LRRK2: variants seen among roughly 807,000 people sequenced by gnomAD.
LRRK2 encodes the protein leucine-rich repeat serine/threonine-protein kinase 2.
LRRK2 carries 203 observed loss-of-function variants against 302.6 expected under a neutral mutation model. The ratio of observed to expected loss-of-function variants is 0.67; its 90% CI spans 0.60 to 0.75. LRRK2 has a LOEUF of 0.75. Among genes scored for constraint, LRRK2 ranks in the 30% least tolerant of loss-of-function variants. The probability of loss-of-function intolerance (pLI) is 0.00; values close to 1 mark genes in which losing one functional copy is unlikely to be tolerated. For synonymous variants in LRRK2, 1,066 were observed against 1,031.9 expected, an observed-to-expected ratio of 1.03 and a Z score of -0.63; for missense variants, 2,830 against 2,951.0, an observed-to-expected ratio of 0.96 and a Z score of 0.95.
intron 31 of LRRK2, chr12:40,312,648 G>A (rs1352812175): frequency 6.6e-6 from 1 of 152,068 alleles, no homozygotes; most frequent in Non-Finnish European, 1.5e-5. Flanking sequence ...GCTGAAAGGA[G>A]AAGCAGGACA....
At chr12:40,356,333 A>G in intron 46 of LRRK2, 146 bp downstream of exon 46, 1 of 619,900 alleles carries the variant, frequency 1.6e-6, no homozygotes, top group Non-Finnish European at 2.8e-6. Context: ...AAAATCTTGA[A>G]CACAGTAGAT....
intron 45 of LRRK2, among the ~76,000 whole-genome samples, chr12:40,355,556 T>G (rs1186049460): frequency 2.6e-5 from 2 of 77,730 alleles, no homozygotes; most frequent in Non-Finnish European, 5.8e-5. Context: ...TCTTTTTTTT[T>G]TTTTTGAAGG....
chr12:40,339,378 C>T (rs1945968349), intron 40 of LRRK2, among the ~76,000 whole-genome samples: 1 of 152,202 alleles, frequency 6.6e-6, no homozygotes, highest in Non-Finnish European at 1.5e-5. Flanking sequence ...TTATAGACAT[C>T]TAATGTGATA....
At chr12:40,357,847 G>A (rs978523080) in intron 46 of LRRK2, among the ~76,000 whole-genome samples, 1 of 152,134 alleles carries the variant, frequency 6.6e-6, no homozygotes, top group Non-Finnish European at 1.5e-5. Context: ...ATCATAGCTT[G>A]TTGCAGCCTT....
chr12:40,323,215 TGC>T lies in LRRK2; in HGVS notation c.5566_5567del (p.Ala1856ProfsTer2), dbSNP rs762268416. ...GGCTCACCATTCCAATATCTCAGAT[TGC>T]CCCTGACTTGATTTTGGCTGACCTG... is the stretch of plus-strand genomic sequence containing the variant. ...PRLTIPISQI[A>X]PDLILADLPR... On this transcript the variant is annotated frameshift_variant, in exon 38 of 51. Transcript: ENST00000298910. LOFTEE classifies it high-confidence loss of function. 1 of 1,613,294 alleles carries T rather than the reference TGC, an allele frequency of 6.2e-7. No individual in the cohort carries two copies. Among genetic ancestry groups the T allele is most frequent in the Non-Finnish European group, 8.5e-7 (1 of 1,179,402 alleles).
At chr12:40,315,360 C>T in intron 33 of LRRK2, 60 bp downstream of exon 33, 2 of 1,355,654 alleles carry the variant, frequency 1.5e-6, no homozygotes, top group South Asian at 2.3e-5. Context: ...ACAGATGGCG[C>T]CCAGAGCATT....
chr12:40,253,129 G>C (rs578171065), intron 11 of LRRK2, 113 bp downstream of exon 11: 1 of 695,016 alleles, frequency 1.4e-6, no homozygotes, highest in Non-Finnish European at 2.5e-6. Context: ...TATATATTGT[G>C]AAAGATATCT....
At chr12:40,293,896 C>CTATAT (rs1944264469) in intron 21 of LRRK2, among the ~76,000 whole-genome samples, 2 of 84,272 alleles carry the variant, frequency 2.4e-5, no homozygotes, top group Non-Finnish European at 3.3e-5. Context: ...TTTTGGGGCA[C>CTATAT]ATATATATAT....
At chr12:40,331,276 A>G (rs1318055096) in intron 39 of LRRK2, among the ~76,000 whole-genome samples, 4 of 152,162 alleles carry the variant, frequency 2.6e-5, no homozygotes, top group Non-Finnish European at 5.9e-5. Context: ...CACTTTCTGA[A>G]CAAGAAGGTT....
chr12:40,341,649 A>T (rs1215780988), intron 41 of LRRK2, among the ~76,000 whole-genome samples: 1 of 152,120 alleles, frequency 6.6e-6, no homozygotes, highest in East Asian at 1.9e-4. Context: ...CCAGGGCTGG[A>T]AGTTAGCTAT....
chr12:40,283,740 A>T, intron 18 of LRRK2, 135 bp from the exon 19 acceptor site: 1 of 680,724 alleles, frequency 1.5e-6, no homozygotes, highest in Non-Finnish European at 2.4e-6. Context: ...TTCAAGGATC[A>T]GTTTTGCCTT....
intron 2 of LRRK2, among the ~76,000 whole-genome samples, chr12:40,231,431 T>C (rs1941180975): frequency 1.4e-5 from 2 of 146,318 alleles, no homozygotes; most frequent in African/African-American, 2.5e-5. Flanking sequence ...TGGTGGCACA[T>C]ACCTGTAGTC....
chr12:40,359,133 G>C (rs1351902347), intron 46 of LRRK2, 127 bp from the exon 47 acceptor site: 2 of 801,356 alleles, frequency 2.5e-6, no homozygotes, highest in African/African-American at 3.5e-5. Flanking sequence ...TTAGGTTTTT[G>C]AGTTTTAATT....
intron 5 of LRRK2, among the ~76,000 whole-genome samples, chr12:40,238,779 G>C (rs1941588739): frequency 6.6e-6 from 1 of 152,188 alleles, no homozygotes; most frequent in African/African-American, 2.4e-5. Flanking sequence ...TGTGGGCCCT[G>C]TGTCAGTTAT....
In LRRK2 at chr12:40,263,002, T is replaced by C. The variant is rs997256551; in HGVS notation, c.1544-787T>C. On this transcript the variant is annotated intron_variant, in intron 13 of 50. Transcript: ENST00000298910. ...GTATTCCCAGCATTAACAAAATCCT[T>C]GGCATGTAATTGGAATTCAGATGCT... 3.3e-5 allele frequency among the ~76,000 whole-genome samples: 5 copies of C among 152,198 alleles called. 1 individual carries two copies. In the South Asian group the frequency reaches 1.0e-3, roughly 32 times the overall value.
At chr12:40,349,610 C>A (rs1378724751) in intron 43 of LRRK2, among the ~76,000 whole-genome samples, 1 of 152,116 alleles carries the variant, frequency 6.6e-6, no homozygotes, top group Non-Finnish European at 1.5e-5. Context: ...CAGCTTTGAC[C>A]TCCTGGGCTC....
Position 40,356,098 on chromosome 12 carries a change from A to C in LRRK2, c.6771-17A>C. 6.3e-7 allele frequency: 1 copy of C among 1,588,794 alleles called. No homozygotes were observed. The highest frequency in any genetic ancestry group is 8.6e-7 in the Non-Finnish European group (1 of 1,160,234). ...TACATGTTCTTTTTGTAACAATTTC[A>C]ACATTTTTCCTTTTAGCAAACAAAA... On this transcript the variant is annotated splice_polypyrimidine_tract_variant and intron_variant, in intron 45 of 50. Transcript: ENST00000298910.
In LRRK2 at chr12:40,274,844, ATT is replaced by A; in HGVS notation, c.1802-7_1802-6del. On this transcript the variant is annotated splice_region_variant and splice_polypyrimidine_tract_variant and intron_variant, in intron 15 of 50. Transcript: ENST00000298910. Reference sequence around the variant, plus strand: ...AGATTTAAAACAATTCTTTTTTTTTATTTTCCTAGAAATTCAGTGTCTGGGTT... The same window carrying A: ...AGATTTAAAACAATTCTTTTTTTTTATTCCTAGAAATTCAGTGTCTGGGTT... 1 of 1,607,024 alleles carries A rather than the reference ATT, an allele frequency of 6.2e-7. No individual in the cohort carries two copies. The highest frequency in any genetic ancestry group is 8.5e-7 in the Non-Finnish European group (1 of 1,174,552).
chr12:40,359,326 A>G lies in LRRK2; in HGVS notation c.6910A>G (p.Ser2304Gly), dbSNP rs1946634765. ...GNVSTPLMCLSESTNSTERNV... is the reference protein window; with the variant it reads ...GNVSTPLMCLGESTNSTERNV... ...TGTCAGTACTCCATTGATGTGTTTG[A>G]GTGAATCCACAAATTCAACGGAAAG... is the stretch of plus-strand genomic sequence containing the variant. The change falls in exon 47 of 51, where the codon AGT becomes GGT. Residue 2304 changes from serine to glycine, a missense_variant. This residue lies in a region of LRRK2 where 456 missense variants were observed against 456.3 expected (regional missense o/e 1.00). Coordinates refer to ENST00000298910, the MANE Select transcript of LRRK2 (RefSeq NM_198578.4). 1 of 1,612,976 alleles carries G rather than the reference A, an allele frequency of 6.2e-7. No individual in the cohort carries two copies.
Sources: gnomAD v4.1 joint callset for allele counts (sites outside exome capture counted in the v4.1 genomes callset) on GRCh38, gnomAD v4.1.1 for gene constraint, gnomAD v4.1.1 regional missense constraint, MANE v1.5 for transcripts, NCBI Gene and HGNC (gene_info 2026-07-23, HGNC 2026-07-21) for gene names.